LRRIQ3: variants seen among roughly 807,000 people sequenced by gnomAD.
LRRIQ3 encodes the protein leucine-rich repeat and IQ domain-containing protein 3.
Under a neutral mutation model 59.3 loss-of-function variants are expected in LRRIQ3, and 75 were observed. The observed-to-expected ratio is 1.26, with a 90% CI of 1.05 to 1.53. LRRIQ3 has a LOEUF of 1.53. LRRIQ3 is among the 40% of genes most tolerant of loss of function. The probability of loss-of-function intolerance (pLI) is 0.00; values close to 1 mark genes in which losing one functional copy is unlikely to be tolerated. For missense variants in LRRIQ3, 831 were observed against 710.0 expected (o/e 1.17, Z -1.94); for synonymous variants, 250 against 231.3 (o/e 1.08, Z -0.73).
At chr1:74,139,056 G>GTA (rs561362591) in intron 4 of LRRIQ3, among the ~76,000 whole-genome samples, 2,898 of 144,312 alleles carry the variant, frequency 0.02, 62 homozygotes, top group African/African-American at 0.053. Flanking sequence ...GTATTTATGT[G>GTA]TATATATATA....
At chr1:74,180,866 T>C in intron 3 of LRRIQ3, 2 of 1,426,296 alleles carry the variant, frequency 1.4e-6, no homozygotes, top group South Asian at 1.3e-5. Flanking sequence ...CTAGCTAATG[T>C]AGCCCAAATC....
chr1:74,165,819 A>G (rs143531304), intron 3 of LRRIQ3, among the ~76,000 whole-genome samples: 4 of 151,520 alleles, frequency 2.6e-5, no homozygotes, highest in Admixed American at 2.6e-4. Context: ...TTTTTTCTGC[A>G]TGAATTGGTA....
intron 3 of LRRIQ3, among the ~76,000 whole-genome samples, chr1:74,174,334 A>C (rs1649509013): frequency 6.6e-6 from 1 of 151,414 alleles, no homozygotes. Context: ...TTTTCAGTTA[A>C]TTCATTATAA....
At chr1:74,103,952 A>G (rs1013823290) in intron 5 of LRRIQ3, among the ~76,000 whole-genome samples, 4 of 151,968 alleles carry the variant, frequency 2.6e-5, no homozygotes, top group African/African-American at 9.7e-5. Flanking sequence ...TGTGATGTAA[A>G]TGCACTCCTG....
intron 6 of LRRIQ3, among the ~76,000 whole-genome samples, chr1:74,068,373 G>A (rs565014856): frequency 2.1e-3 from 319 of 151,992 alleles, no homozygotes; most frequent in Non-Finnish European, 3.4e-3. Context: ...TGCATAGCAG[G>A]GAAATAGAAC....
intron 3 of LRRIQ3, 23 bp downstream of exon 3, chr1:74,182,515 G>T: frequency 7.1e-7 from 1 of 1,416,872 alleles, no homozygotes; most frequent in Non-Finnish European, 9.3e-7. Flanking sequence ...TAATTAAAAT[G>T]AAACCCTAAA....
At chr1:74,159,473 T>G (rs1648537030) in intron 3 of LRRIQ3, among the ~76,000 whole-genome samples, 1 of 152,108 alleles carries the variant, frequency 6.6e-6, no homozygotes, top group African/African-American at 2.4e-5. Context: ...TGTCAATCAA[T>G]TTATTCTTGT....
At chr1:74,060,171 ATCTTCT>A (rs201934433) in intron 6 of LRRIQ3, among the ~76,000 whole-genome samples, 7 of 147,320 alleles carry the variant, frequency 4.8e-5, no homozygotes, top group African/African-American at 1.3e-4. Flanking sequence ...CTTCGTCGTC[ATCTTCT>A]TCTTCTTCTT....
rs145173287 is a variant in LRRIQ3 at position 74,033,182 on chromosome 1, A to G, written c.1719-6213T>C. Among the ~76,000 whole-genome samples, 716 of 152,118 alleles carry G rather than the reference A, an allele frequency of 4.7e-3. 19 individuals carry two copies. Among genetic ancestry groups the G allele is most frequent in the Admixed American group, 0.041 (623 of 15,218 alleles). ...GACCATAAAATTAATATTGGCATAA[A>G]TCTGTGGGGCATTGATTTCTTCTAG... On this transcript the variant is annotated intron_variant, in intron 7 of 7. Transcript: ENST00000354431.
intron 5 of LRRIQ3, among the ~76,000 whole-genome samples, chr1:74,092,652 A>T (rs901039442): frequency 2.0e-5 from 3 of 152,016 alleles, no homozygotes; most frequent in Admixed American, 6.6e-5. Context: ...GAGAAAAAAA[A>T]ATCTGGGTTA....
intron 4 of LRRIQ3, among the ~76,000 whole-genome samples, chr1:74,126,961 A>T (rs1646944218): frequency 1.3e-5 from 2 of 151,860 alleles, no homozygotes; most frequent in Admixed American, 1.3e-4. Context: ...TGAGGTCTCC[A>T]GCTATTTTGG....
chr1:74,046,981 A>G (rs919105413), intron 6 of LRRIQ3, among the ~76,000 whole-genome samples: 6 of 152,166 alleles, frequency 3.9e-5, no homozygotes, highest in African/African-American at 1.2e-4. Context: ...GGGAAATAGG[A>G]ATGCTTTTAC....
At chr1:74,120,411 G>T (rs1251237243) in intron 4 of LRRIQ3, among the ~76,000 whole-genome samples, 1 of 151,730 alleles carries the variant, frequency 6.6e-6, no homozygotes, top group Non-Finnish European at 1.5e-5. Flanking sequence ...CCACAGTGCT[G>T]GCCTCTATGT....
intron 4 of LRRIQ3, among the ~76,000 whole-genome samples, chr1:74,115,791 T>A (rs1570141187): frequency 6.6e-6 from 1 of 152,050 alleles, no homozygotes; most frequent in East Asian, 1.9e-4. Context: ...GAATCTATAC[T>A]GAGAAAAATA....
chr1:74,182,259 CAAATTCTG>C (rs973587128), intron 3 of LRRIQ3: 1 of 180,878 alleles, frequency 5.5e-6, no homozygotes, highest in Non-Finnish European at 1.1e-5. Context: ...TTTCATATAC[CAAATTCTG>C]AATAAATTAG....
chr1:74,036,793 C>T lies in LRRIQ3; in HGVS notation c.1718+4420G>A, dbSNP rs1570003441. ...GAATTATTTGAATTGAAGGTAGGTA[C>T]TACTTAGTAGAAGCACCAATGATCA... is the stretch of plus-strand genomic sequence containing the variant. On this transcript the variant is annotated intron_variant, in intron 7 of 7. Transcript: ENST00000354431. Among the ~76,000 whole-genome samples the T allele has an allele frequency of 3.3e-5, 5 of 152,172 alleles. No homozygotes were observed. In the Middle Eastern group the frequency reaches 0.01, roughly 311 times the overall value.
chr1:74,057,321 G>A (rs931300093), intron 6 of LRRIQ3, among the ~76,000 whole-genome samples: 1 of 151,936 alleles, frequency 6.6e-6, no homozygotes. Context: ...TCAGGTAGTG[G>A]AAGCATAGTA....
intron 4 of LRRIQ3, among the ~76,000 whole-genome samples, chr1:74,122,989 T>G (rs1042740465): frequency 2.0e-5 from 3 of 152,086 alleles, no homozygotes; most frequent in African/African-American, 7.2e-5. Context: ...TTCTAAAATA[T>G]TTTTTTCTGG....
At chr1:74,173,714 AT>A (rs1553174201) in intron 3 of LRRIQ3, among the ~76,000 whole-genome samples, 14 of 152,068 alleles carry the variant, frequency 9.2e-5, no homozygotes, top group Non-Finnish European at 1.5e-5. Context: ...TTTTGTTTCA[AT>A]TGAAACAATA....
Sources: gnomAD v4.1 joint callset for allele counts (sites outside exome capture counted in the v4.1 genomes callset) on GRCh38, gnomAD v4.1.1 for gene constraint, MANE v1.5 for transcripts, NCBI Gene and HGNC (gene_info 2026-07-23, HGNC 2026-07-21) for gene names.